THSD4: variants seen among roughly 807,000 people sequenced by gnomAD.
THSD4 encodes thrombospondin type-1 domain-containing protein 4.
THSD4 carries 69 observed loss-of-function variants against 119.0 expected under a neutral mutation model. The ratio of observed to expected loss-of-function variants is 0.58; its 90% CI spans 0.48 to 0.71. The LOEUF (loss-of-function observed/expected upper bound fraction) is 0.71, where lower values mean the gene tolerates loss of function less well. Among genes scored for constraint, THSD4 ranks in the 30% least tolerant of loss-of-function variants. The pLI is 0.00. For synonymous variants in THSD4, 524 were observed against 540.4 expected (o/e 0.97, Z 0.42); for missense variants, 1,393 against 1,391.1 (o/e 1.00, Z -0.02).
chr15:71,278,606 T>A (rs2044617731), intron 6 of THSD4, among the ~76,000 whole-genome samples: 4 of 152,316 alleles, frequency 2.6e-5, no homozygotes, highest in Non-Finnish European at 1.5e-5. Context: ...CTTTGAAATC[T>A]TACTGCAGAT....
chr15:71,746,817 G>A lies in THSD4; in HGVS notation c.2037-21G>A, dbSNP rs200288727. The A allele has an allele frequency of 1.8e-4, 283 of 1,611,446 alleles. 3 individuals are homozygous for A. In the South Asian group the frequency reaches 2.9e-3, roughly 16 times the overall value. ...TGACTGAAGGTTGTCTCTCACTCTC[G>A]CTCTCTCATTCCTGAACCAGCTGGG... On this transcript the variant is annotated intron_variant, in intron 12 of 17. Transcript: ENST00000261862.
At chr15:71,387,705 TG>T (rs1357855654) in intron 6 of THSD4, among the ~76,000 whole-genome samples, 18 of 152,242 alleles carry the variant, frequency 1.2e-4, no homozygotes, top group East Asian at 5.8e-4. Flanking sequence ...AAATCTTTCT[TG>T]TTGATTGTAA....
chr15:71,223,128 C>T (rs1290113754), intron 4 of THSD4, among the ~76,000 whole-genome samples: 1 of 152,120 alleles, frequency 6.6e-6, no homozygotes, highest in East Asian at 1.9e-4. Context: ...AGCATTTTAT[C>T]GTGTCTTCAT....
intron 6 of THSD4, among the ~76,000 whole-genome samples, chr15:71,375,277 C>T (rs1417411999): frequency 6.6e-6 from 1 of 152,078 alleles, no homozygotes; most frequent in Non-Finnish European, 1.5e-5. Flanking sequence ...GGGAAATAGC[C>T]CAAGACAGTG....
chr15:71,695,502 A>G (rs1043332692), intron 8 of THSD4, among the ~76,000 whole-genome samples: 267 of 144,128 alleles, frequency 1.9e-3, no homozygotes, highest in African/African-American at 6.4e-3. Flanking sequence ...GTGTGTGTGC[A>G]TGTGTGTGTG....
At chr15:71,641,248 A>T (rs1446175917) in intron 7 of THSD4, among the ~76,000 whole-genome samples, 1 of 152,038 alleles carries the variant, frequency 6.6e-6, no homozygotes, top group Non-Finnish European at 1.5e-5. Flanking sequence ...CCCAATCACT[A>T]CGTGGGATCA....
At chr15:71,096,962 C>T (rs1049101843) in exon 1 of THSD4, 4 of 152,146 alleles carry the variant, frequency 2.6e-5, no homozygotes, top group Non-Finnish European at 4.4e-5. Flanking sequence ...ATCAGACCAA[C>T]GTGAATTGAA....
At chr15:71,721,983 A>G (rs992297642) in intron 8 of THSD4, among the ~76,000 whole-genome samples, 1 of 151,928 alleles carries the variant, frequency 6.6e-6, no homozygotes, top group African/African-American at 2.4e-5. Context: ...TCTCAAAAAA[A>G]AAAAAGGAAT....
chr15:71,703,453 C>A (rs1297883939), intron 8 of THSD4, among the ~76,000 whole-genome samples: 1 of 152,190 alleles, frequency 6.6e-6, no homozygotes, highest in Non-Finnish European at 1.5e-5. Flanking sequence ...GCTCAGCTGT[C>A]CATTGGCATC....
chr15:71,508,456 C>T (rs2048226778), intron 7 of THSD4, among the ~76,000 whole-genome samples: 1 of 152,174 alleles, frequency 6.6e-6, no homozygotes, highest in Non-Finnish European at 1.5e-5. Context: ...CCCAGTTTTG[C>T]CCTGCTGTCC....
At chr15:71,202,394 G>A (rs1290026542) in intron 3 of THSD4, among the ~76,000 whole-genome samples, 1 of 152,010 alleles carries the variant, frequency 6.6e-6, no homozygotes, top group East Asian at 1.9e-4. Flanking sequence ...TAGTGGCCAG[G>A]ACAGTGCAGT....
chr15:71,192,431 C>T (rs970482841), intron 3 of THSD4, among the ~76,000 whole-genome samples: 3 of 151,814 alleles, frequency 2.0e-5, no homozygotes, highest in South Asian at 2.1e-4. Context: ...TACAGATGTG[C>T]GCCAACACGC....
chr15:71,398,246 G>A (rs920499968), intron 6 of THSD4, among the ~76,000 whole-genome samples: 1 of 152,208 alleles, frequency 6.6e-6, no homozygotes, highest in Non-Finnish European at 1.5e-5. Context: ...ACAAAACCAT[G>A]GTGGTGGAGA....
chr15:71,255,104 G>A (rs1444205946), intron 5 of THSD4, among the ~76,000 whole-genome samples: 1 of 152,136 alleles, frequency 6.6e-6, no homozygotes, highest in Non-Finnish European at 1.5e-5. Context: ...GATACATACA[G>A]TAGATTTCTC....
chr15:71,129,979 A>C (rs963001140), intron 1 of THSD4, among the ~76,000 whole-genome samples: 2 of 152,198 alleles, frequency 1.3e-5, no homozygotes, highest in Non-Finnish European at 2.9e-5. Context: ...TGGATGGTCA[A>C]ATGCGTGGAG....
At chr15:71,701,075 A>G (rs1501424) in intron 8 of THSD4, among the ~76,000 whole-genome samples, 30,394 of 152,068 alleles carry the variant, frequency 0.2, 3,632 homozygotes, top group African/African-American at 0.34. Context: ...AAAAGACACT[A>G]TTAAAGTCAA....
intron 7 of THSD4, among the ~76,000 whole-genome samples, chr15:71,602,357 C>T (rs963423591): frequency 2.0e-5 from 3 of 151,646 alleles, no homozygotes; most frequent in African/African-American, 7.3e-5. Flanking sequence ...AGTTCAAGAC[C>T]AACCTGACCA....
At chr15:71,661,921 C>T (rs913832403) in intron 8 of THSD4, among the ~76,000 whole-genome samples, 3 of 152,132 alleles carry the variant, frequency 2.0e-5, no homozygotes, top group East Asian at 1.9e-4. Context: ...AAGCTATTCC[C>T]ATCCCCACTT....
At chr15:71,608,402 C>T (rs376003243) in intron 7 of THSD4, among the ~76,000 whole-genome samples, 6 of 152,044 alleles carry the variant, frequency 3.9e-5, no homozygotes, top group Admixed American at 1.3e-4. Context: ...CATTACTTAA[C>T]ATTATAAAAG....
Sources: gnomAD v4.1 joint callset for allele counts (sites outside exome capture counted in the v4.1 genomes callset) on GRCh38, gnomAD v4.1.1 for gene constraint, MANE v1.5 for transcripts, NCBI Gene and HGNC (gene_info 2026-07-23, HGNC 2026-07-21) for gene names.